RAPGEF1: variants seen among roughly 807,000 people sequenced by gnomAD.
RAPGEF1 encodes Rap guanine nucleotide exchange factor 1, also known as CRK SH3-binding GNRP.
In RAPGEF1, 33 loss-of-function variants were observed where a neutral mutation model predicts 143.3. The ratio of observed to expected loss-of-function variants is 0.23; its 90% CI spans 0.17 to 0.31. The LOEUF is 0.31. Ranked by LOEUF, RAPGEF1 falls within the 10% of genes least tolerant of loss-of-function variation. The pLI, the probability that RAPGEF1 is intolerant of heterozygous loss-of-function variation, is 1.00. For synonymous variants in RAPGEF1, 629 were observed against 676.5 expected (o/e 0.93, Z 1.09); for missense variants, 1,199 against 1,645.4 (o/e 0.73, Z 4.69).
At chr9:131,594,358 A>G (rs1954876528) in intron 17 of RAPGEF1, among the ~76,000 whole-genome samples, 1 of 152,232 alleles carries the variant, frequency 6.6e-6, no homozygotes, top group African/African-American at 2.4e-5. Context: ...CTTGGCACAC[A>G]GTTGTCAAGG....
intron 16 of RAPGEF1, among the ~76,000 whole-genome samples, chr9:131,596,585 T>G (rs1039882898): frequency 2.6e-5 from 4 of 152,320 alleles, no homozygotes. Flanking sequence ...AGGCACAAAC[T>G]GGACTGTGTC....
At chr9:131,626,948 A>G (rs530579971) in intron 9 of RAPGEF1, among the ~76,000 whole-genome samples, 1 of 152,210 alleles carries the variant, frequency 6.6e-6, no homozygotes, top group South Asian at 2.1e-4. Context: ...TAAAAATACA[A>G]AAATTGGCTG....
chr9:131,589,048 T>C, intron 19 of RAPGEF1, 62 bp from the exon 20 acceptor site: 1 of 1,515,530 alleles, frequency 6.6e-7, no homozygotes, highest in Non-Finnish European at 9.0e-7. Flanking sequence ...GAGTCTGTCT[T>C]TGCCTTGAGA....
intron 15 of RAPGEF1, among the ~76,000 whole-genome samples, chr9:131,599,176 G>GTGCAGTGGTGCGATCTTGGCTCAC (rs1955836897): frequency 2.0e-5 from 3 of 149,644 alleles, no homozygotes; most frequent in Non-Finnish European, 4.4e-5. Flanking sequence ...CCAGGCTGGA[G>GTGCAGTGGTGCGATCTTGGCTCAC]TGCAGTGGTG....
In RAPGEF1 at chr9:131,660,968, C is replaced by G. The variant is rs559891273; in HGVS notation, c.62-10019G>C. Among the ~76,000 whole-genome samples, 12 of 152,324 alleles carry G rather than the reference C, an allele frequency of 7.9e-5. No individual in the cohort carries two copies. In the East Asian group the frequency reaches 2.1e-3, roughly 27 times the overall value. ...TATAACAAGGTGCTCAATTTGTCAT[C>G]AGGAAGCAGTACATTAAAACCACTG... On this transcript the variant is annotated intron_variant, in intron 1 of 26. Transcript: ENST00000683357.
chr9:131,644,020 T>C (rs1968820003), intron 3 of RAPGEF1, among the ~76,000 whole-genome samples: 1 of 152,096 alleles, frequency 6.6e-6, no homozygotes, highest in African/African-American at 2.4e-5. Context: ...GCAGGAAATC[T>C]GGGGAGAAAA....
At position 131,605,145 on chromosome 9, in the gene RAPGEF1, T is replaced by C; in HGVS notation, c.2105A>G (p.His702Arg). 2 of 1,361,848 alleles carry C rather than the reference T, an allele frequency of 1.5e-6. No individual in the cohort carries two copies. The highest frequency in any genetic ancestry group is 1.5e-5 in the African/African-American group (1 of 67,746). 84.4% of individuals were successfully genotyped at this position (1,361,848 alleles called of 1,614,324 possible). ...GAAAGGCGGAACGGAAGCTTGGTGG[T>C]GAGGCACGAAATCCTGGGAGTAGGA... Reference protein sequence around the residue: ...FRSYSQDFVPHHQASVPPFLP... With the variant: ...FRSYSQDFVPRHQASVPPFLP... The change falls in exon 13 of 27, where the codon CAC (histidine) becomes CGC (arginine). Residue 702 changes from histidine (H) to arginine (R), a missense_variant. This residue lies in a region of RAPGEF1 where 293 missense variants were observed against 356.2 expected (regional missense o/e 0.82). Transcript: ENST00000683357.
chr9:131,602,450 A>G (rs968028150), intron 14 of RAPGEF1, among the ~76,000 whole-genome samples: 1 of 152,170 alleles, frequency 6.6e-6, no homozygotes, highest in Non-Finnish European at 1.5e-5. Context: ...CCCCCCGAGC[A>G]CAGCCAGGGA....
intron 12 of RAPGEF1, among the ~76,000 whole-genome samples, chr9:131,606,523 C>G (rs1421242342): frequency 1.3e-5 from 2 of 152,222 alleles, no homozygotes; most frequent in Non-Finnish European, 2.9e-5. Context: ...GTGCGTGCCA[C>G]TCGCTCAAAC....
chr9:131,608,687 G>GT (rs1341282145), intron 12 of RAPGEF1, among the ~76,000 whole-genome samples: 6 of 152,184 alleles, frequency 3.9e-5, no homozygotes, highest in African/African-American at 1.4e-4. Flanking sequence ...AACTGGAAAG[G>GT]TACCTTCACG....
rs1554800923 is a variant in RAPGEF1, at chr9:131,585,363, G to GC, written c.3234-768_3234-767insG. Among the ~76,000 whole-genome samples, 169 of 54,744 alleles carry GC rather than the reference G, an allele frequency of 3.1e-3. 1 individual carries two copies. Among genetic ancestry groups the GC allele is most frequent in the Middle Eastern group, 0.012 (1 of 82 alleles). The allele number at this position is 54,744 out of a possible 152,430, so 35.9% of individuals were successfully genotyped here. A position where few individuals can be genotyped will look rare whatever the true frequency, so the allele number is the denominator to read the frequency against. On this transcript the variant is annotated intron_variant, in intron 22 of 26. Coordinates refer to ENST00000683357, the MANE Select transcript of RAPGEF1 (RefSeq NM_001377935.1). ...TCTTGGCTAATTTTAATTTTTTGTAGGGGGGGGGCGTCTCTCTATGTTGTC... is the reference window on the plus strand; with the variant it reads ...TCTTGGCTAATTTTAATTTTTTGTAGCGGGGGGGGCGTCTCTCTATGTTGTC...
chr9:131,679,198 A>G (rs1832708644), intron 1 of RAPGEF1, among the ~76,000 whole-genome samples: 1 of 152,130 alleles, frequency 6.6e-6, no homozygotes, highest in African/African-American at 2.4e-5. Context: ...TACAAAGGAT[A>G]GATTATAAAT....
chr9:131,638,970 T>C (rs972269113), intron 4 of RAPGEF1, among the ~76,000 whole-genome samples, 179 bp from the exon 5 acceptor site: 1 of 152,176 alleles, frequency 6.6e-6, no homozygotes, highest in African/African-American at 2.4e-5. Context: ...AACAAAGATT[T>C]TGTGGAGCTT....
intron 1 of RAPGEF1, among the ~76,000 whole-genome samples, chr9:131,669,909 G>A (rs532544048): frequency 1.3e-5 from 2 of 152,266 alleles, no homozygotes; most frequent in South Asian, 4.1e-4. Context: ...ATCAGGTGCT[G>A]AGTAACACAA....
At position 131,695,046 on chromosome 9, in the gene RAPGEF1, C is replaced by T. The variant is rs543621228; in HGVS notation, c.62-44097G>A. On this transcript the variant is annotated intron_variant, in intron 1 of 26. Coordinates refer to ENST00000683357, the MANE Select transcript of RAPGEF1 (RefSeq NM_001377935.1). ...ACTTTCTTTACATGCAACTCACTAA[C>T]GGATAATGTTGACTGTCTATTGTGT... 4.9e-5 allele frequency among the ~76,000 whole-genome samples: 7 copies of T among 142,808 alleles called. No individual in the cohort carries two copies. The South Asian group carries it at 7.2e-4, about 15-fold the overall frequency. 93.7% of individuals were successfully genotyped at this position (142,808 alleles called of 152,430 possible).
intron 6 of RAPGEF1, 140 bp downstream of exon 6, chr9:131,630,096 A>G: frequency 1.5e-6 from 1 of 674,546 alleles, no homozygotes; most frequent in Non-Finnish European, 2.6e-6. Context: ...ATATACACAC[A>G]CTGCTAACCA....
rs373695224 is a variant in RAPGEF1 at position 131,713,772 on chromosome 9, G to A, written c.61+25998C>T. 2.6e-5 allele frequency among the ~76,000 whole-genome samples: 4 copies of A among 152,226 alleles called. No homozygotes were observed. The East Asian group carries it at 5.8e-4, about 22-fold the overall frequency. ...CCACTGCACTCCAGTCTGGGCCACA[G>A]AGCGAGAACCCATCTCTAAAAAACT... On this transcript the variant is annotated intron_variant, in intron 1 of 26. Transcript: ENST00000683357.
At chr9:131,660,464 C>T (rs952108340) in intron 1 of RAPGEF1, among the ~76,000 whole-genome samples, 1 of 149,620 alleles carries the variant, frequency 6.7e-6, no homozygotes, top group Non-Finnish European at 1.5e-5. Flanking sequence ...AAACAACAAG[C>T]CATTGTGGGC....
At chr9:131,708,341 G>A (rs966072464) in intron 1 of RAPGEF1, among the ~76,000 whole-genome samples, 7 of 152,350 alleles carry the variant, frequency 4.6e-5, no homozygotes, top group Admixed American at 1.3e-4. Flanking sequence ...TGGCATGCCT[G>A]CCAGCCGGCC....
Sources: gnomAD v4.1 joint callset for allele counts (sites outside exome capture counted in the v4.1 genomes callset) on GRCh38, gnomAD v4.1.1 for gene constraint, gnomAD v4.1.1 regional missense constraint, MANE v1.5 for transcripts, NCBI Gene and HGNC (gene_info 2026-07-23, HGNC 2026-07-21) for gene names.